Variants in DST observed in about 807,000 individuals in gnomAD.
DST encodes dystonin.
In DST, 253 loss-of-function variants were observed where a neutral mutation model predicts 875.2. That is an observed-to-expected ratio of 0.29 (90% CI 0.26 to 0.32). The LOEUF (loss-of-function observed/expected upper bound fraction) is 0.32, where lower values mean the gene tolerates loss of function less well. Among genes scored for constraint, DST ranks in the 10% least tolerant of loss-of-function variants. The probability of loss-of-function intolerance (pLI) is 1.00; values close to 1 mark genes in which losing one functional copy is unlikely to be tolerated. For missense variants in DST, 8,287 were observed against 9,111.6 expected, an observed-to-expected ratio of 0.91 and a Z score of 3.68; for synonymous variants, 3,124 against 3,197.1, an observed-to-expected ratio of 0.98 and a Z score of 0.77.
At chr6:56,894,975 C>CA in intron 3 of DST, among the ~76,000 whole-genome samples, 1 of 102,720 alleles carries the variant, frequency 9.7e-6, no homozygotes. Context: ...GCTGGCCAGG[C>CA]GGGGGGCTGA....
chr6:56,549,843 C>G (rs958102688), intron 61 of DST, among the ~76,000 whole-genome samples: 1 of 152,080 alleles, frequency 6.6e-6, no homozygotes, highest in Non-Finnish European at 1.5e-5. Flanking sequence ...GAGAAAATAC[C>G]AGATGTGAAA....
chr6:56,858,122 T>C (rs1009553852), intron 3 of DST, among the ~76,000 whole-genome samples: 2 of 152,192 alleles, frequency 1.3e-5, no homozygotes, highest in Non-Finnish European at 2.9e-5. Context: ...TAGCTGGCTC[T>C]CACTCTCTTC....
In DST at chr6:56,616,580, T is replaced by A. The variant is rs368520236; in HGVS notation, c.4930-2096A>T. 3.2e-5 allele frequency: 52 copies of A among 1,614,046 alleles called. No individual in the cohort carries two copies. In the African/African-American group the frequency reaches 6.8e-4, roughly 21 times the overall value. On this transcript the variant is annotated intron_variant, in intron 36 of 103. Coordinates refer to ENST00000680361, the MANE Select transcript of DST (RefSeq NM_001374736.1). ...TGAGTAATACAGAGCTTGCTTGTTATTGGGATTAGGGAAAACTCTTGTGTT... is the reference window on the plus strand; with the variant it reads ...TGAGTAATACAGAGCTTGCTTGTTAATGGGATTAGGGAAAACTCTTGTGTT...
In DST at chr6:56,463,162, T is replaced by A; in HGVS notation, c.22960-6A>T. ...CGTGTTAAAGGATGGAGAATCTGTA[T>A]GGAACAATGGCAAATCAAATGAAAA... On this transcript the variant is annotated splice_polypyrimidine_tract_variant and splice_region_variant and intron_variant, in intron 101 of 103. Transcript: ENST00000680361. 6.5e-7 allele frequency: 1 copy of A among 1,541,712 alleles called. No individual in the cohort carries two copies. Among genetic ancestry groups the A allele is most frequent in the Non-Finnish European group, 9.0e-7 (1 of 1,114,780 alleles).
At chr6:56,905,198 T>G (rs1465809349) in intron 2 of DST, among the ~76,000 whole-genome samples, 1 of 152,108 alleles carries the variant, frequency 6.6e-6, no homozygotes, top group African/African-American at 2.4e-5. Flanking sequence ...TGGATAATCA[T>G]TTCCCAAGAT....
intron 13 of DST, among the ~76,000 whole-genome samples, chr6:56,647,509 A>G (rs554583785): frequency 4.6e-5 from 7 of 152,150 alleles, no homozygotes; most frequent in Non-Finnish European, 1.0e-4. Flanking sequence ...AGTTTTTTCT[A>G]TCCCAGTTTG....
At position 56,527,657 on chromosome 6, in the gene DST, C is replaced by A. The variant is rs748173956; in HGVS notation, c.17758G>T (p.Asp5920Tyr). ...GCCTGTTCCAGAGTCTTGGCCACATCAGTGCTCAGTTTAGTAATGTCTTTG... is the reference window on the plus strand; with the variant it reads ...GCCTGTTCCAGAGTCTTGGCCACATAAGTGCTCAGTTTAGTAATGTCTTTG... ...RYKDITKLST[D>Y]VAKTLEQALQ... The change falls in exon 68 of 104, where the codon GAT (aspartate) becomes TAT (tyrosine). Residue 5920 changes from aspartate to tyrosine, a missense_variant. Coordinates refer to ENST00000680361, the MANE Select transcript of DST (RefSeq NM_001374736.1). 4 of 1,613,792 alleles carry A rather than the reference C, an allele frequency of 2.5e-6. No individual in the cohort carries two copies. The highest frequency in any genetic ancestry group is 3.4e-6 in the Non-Finnish European group (4 of 1,179,816).
intron 3 of DST, chr6:56,871,586 T>G: frequency 1.2e-6 from 1 of 859,700 alleles, no homozygotes; most frequent in African/African-American, 1.6e-5. Context: ...CCTACAGAGC[T>G]CATGGTTGGA....
intron 4 of DST, among the ~76,000 whole-genome samples, chr6:56,736,301 G>A (rs2099523588): frequency 6.6e-6 from 1 of 152,144 alleles, no homozygotes; most frequent in Non-Finnish European, 1.5e-5. Context: ...ACAGCACAAA[G>A]AAGAGTGAGA....
In DST at chr6:56,489,613, G is replaced by C. The variant is rs750025612; in HGVS notation, c.20758-4C>G. 21 of 1,606,970 alleles carry C rather than the reference G, an allele frequency of 1.3e-5. No homozygotes were observed. Among genetic ancestry groups the C allele is most frequent in the Non-Finnish European group, 1.8e-5 (21 of 1,177,074 alleles). ...GTTTACTCCAAGCTTCATGGAACTA[G>C]AAAGAAATTCACACCTTTGTCTGAA... On this transcript the variant is annotated splice_region_variant and splice_polypyrimidine_tract_variant and intron_variant, in intron 85 of 103. Transcript: ENST00000680361.
intron 3 of DST, 120 bp from the exon 4 acceptor site, chr6:56,851,724 T>G: frequency 6.4e-7 from 1 of 1,552,390 alleles, no homozygotes; most frequent in Non-Finnish European, 8.7e-7. Context: ...GTCTGGCATA[T>G]CCTGCACCAT....
At chr6:56,560,136 T>C (rs1267023272) in intron 58 of DST, among the ~76,000 whole-genome samples, 158 bp downstream of exon 58, 1 of 152,114 alleles carries the variant, frequency 6.6e-6, no homozygotes. Context: ...CTGCACAATA[T>C]AATTTGAAAT....
chr6:56,778,748 G>A (rs1255278834), intron 4 of DST, among the ~76,000 whole-genome samples: 2 of 151,846 alleles, frequency 1.3e-5, no homozygotes, highest in African/African-American at 2.4e-5. Context: ...ATTCCATGGT[G>A]TATATGTGCC....
At chr6:56,845,252 G>GT (rs1163550632) in intron 4 of DST, among the ~76,000 whole-genome samples, 1 of 152,096 alleles carries the variant, frequency 6.6e-6, no homozygotes, top group East Asian at 1.9e-4. Flanking sequence ...CACATATACT[G>GT]ACCTTTTGCC....
chr6:56,723,671 A>G (rs2099430597), intron 5 of DST, among the ~76,000 whole-genome samples: 1 of 152,250 alleles, frequency 6.6e-6, no homozygotes, highest in African/African-American at 2.4e-5. Flanking sequence ...AATATTAATT[A>G]AATTTGCTTG....
intron 4 of DST, among the ~76,000 whole-genome samples, chr6:56,769,759 G>T (rs2099644481): frequency 6.6e-6 from 1 of 152,204 alleles, no homozygotes. Flanking sequence ...CAAGGCTGCA[G>T]TGAGCCAAGA....
intron 4 of DST, among the ~76,000 whole-genome samples, chr6:56,850,409 C>CA (rs70989736): frequency 0.11 from 8,352 of 76,866 alleles, 762 homozygotes; most frequent in African/African-American, 0.25. Flanking sequence ...GTATAGGAGG[C>CA]AAAAAAAAAA....
chr6:56,597,063 G>A (rs1214810688), intron 47 of DST, among the ~76,000 whole-genome samples: 1 of 151,898 alleles, frequency 6.6e-6, no homozygotes, highest in Non-Finnish European at 1.5e-5. Context: ...AACATAGAGA[G>A]ACCTCATCAC....
chr6:56,805,093 G>T (rs2099751569), intron 4 of DST, among the ~76,000 whole-genome samples: 1 of 151,794 alleles, frequency 6.6e-6, no homozygotes, highest in East Asian at 1.9e-4. Context: ...GTAAAACAAG[G>T]TCTAAACAAC....
Sources: gnomAD v4.1 joint callset for allele counts (sites outside exome capture counted in the v4.1 genomes callset) on GRCh38, gnomAD v4.1.1 for gene constraint, MANE v1.5 for transcripts, NCBI Gene and HGNC (gene_info 2026-07-23, HGNC 2026-07-21) for gene names.